Variants in RIT2 observed in about 807,000 individuals in gnomAD.
RIT2 encodes the protein GTP-binding protein Rit2.
Under a neutral mutation model 23.7 loss-of-function variants are expected in RIT2, and 24 were observed. The ratio of observed to expected loss-of-function variants is 1.01; its 90% CI spans 0.73 to 1.43. The LOEUF is 1.43. RIT2 is among the 40% of genes most tolerant of loss of function. RIT2 has a pLI of 0.00. For synonymous variants in RIT2, 107 were observed against 91.1 expected (o/e 1.17, Z -0.99); for missense variants, 236 against 266.9 (o/e 0.88, Z 0.81).
chr18:43,056,462 T>G (rs367969240), intron 1 of RIT2, among the ~76,000 whole-genome samples: 6 of 152,110 alleles, frequency 3.9e-5, no homozygotes, highest in African/African-American at 1.2e-4. Flanking sequence ...CAGGAGCTGT[T>G]TTCTCCTAGG....
intron 2 of RIT2, among the ~76,000 whole-genome samples, chr18:42,992,185 G>A (rs1910867647): frequency 6.6e-6 from 1 of 151,804 alleles, no homozygotes; most frequent in Non-Finnish European, 1.5e-5. Flanking sequence ...GTCCTCTCAA[G>A]AACTTGAAAC....
intron 1 of RIT2, among the ~76,000 whole-genome samples, chr18:43,081,617 T>C (rs1913159884): frequency 6.6e-6 from 1 of 152,130 alleles, no homozygotes; most frequent in African/African-American, 2.4e-5. Context: ...ACAAGCAAAC[T>C]AGGGTATCAA....
At chr18:42,848,112 C>T (rs1426132080) in intron 4 of RIT2, among the ~76,000 whole-genome samples, 1 of 151,890 alleles carries the variant, frequency 6.6e-6, no homozygotes, top group African/African-American at 2.4e-5. Flanking sequence ...AAGCTCATTC[C>T]AAGGGTGGTT....
intron 2 of RIT2, among the ~76,000 whole-genome samples, chr18:43,027,852 C>T (rs146345703): frequency 9.9e-5 from 15 of 152,062 alleles, no homozygotes; most frequent in East Asian, 3.9e-4. Context: ...CTTACCACAT[C>T]GAATGAGAGA....
chr18:43,000,536 T>C (rs1218755013), intron 2 of RIT2, among the ~76,000 whole-genome samples: 2 of 152,030 alleles, frequency 1.3e-5, no homozygotes, highest in East Asian at 3.9e-4. Context: ...TTTCTATTGA[T>C]AAGTGATATG....
intron 4 of RIT2, among the ~76,000 whole-genome samples, chr18:42,808,658 G>A (rs909569365): frequency 6.6e-6 from 1 of 151,932 alleles, no homozygotes; most frequent in African/African-American, 2.4e-5. Context: ...TGAAAAGTAG[G>A]CCATCTTTGT....
At chr18:42,784,214 T>C (rs977976859) in intron 4 of RIT2, among the ~76,000 whole-genome samples, 4 of 151,466 alleles carry the variant, frequency 2.6e-5, no homozygotes, top group African/African-American at 9.7e-5. Context: ...CAAAATATGG[T>C]AGCTACATAA....
At chr18:42,785,780 C>A (rs971492170) in intron 4 of RIT2, among the ~76,000 whole-genome samples, 1 of 152,090 alleles carries the variant, frequency 6.6e-6, no homozygotes, top group African/African-American at 2.4e-5. Context: ...CACAGGGTAG[C>A]GTGCCCAGCA....
intron 4 of RIT2, among the ~76,000 whole-genome samples, chr18:42,890,216 T>C (rs909130791): frequency 9.9e-5 from 15 of 152,112 alleles, no homozygotes; most frequent in Admixed American, 3.3e-4. Flanking sequence ...CTATATTCTT[T>C]ATGGAGGATA....
rs568596852 is a variant in RIT2 at position 42,989,274 on chromosome 18, T to C, written c.161-15127A>G. Among the ~76,000 whole-genome samples the C allele has an allele frequency of 3.3e-5, 5 of 152,286 alleles. No homozygotes were observed. In the South Asian group the frequency reaches 1.0e-3, roughly 32 times the overall value. ...TGTACATACAAATCTCCTGAGGATC[T>C]GGTTAAAATGCAGATTCTGATTCAG... On this transcript the variant is annotated intron_variant, in intron 2 of 4. Transcript: ENST00000326695.
At chr18:43,004,870 T>C (rs1042419517) in intron 2 of RIT2, among the ~76,000 whole-genome samples, 2 of 151,920 alleles carry the variant, frequency 1.3e-5, no homozygotes, top group Non-Finnish European at 2.9e-5. Context: ...TCAATTACTA[T>C]GCTGTGCTCA....
chr18:43,111,958 G>T (rs1052168492), intron 1 of RIT2, among the ~76,000 whole-genome samples: 1 of 151,410 alleles, frequency 6.6e-6, no homozygotes, highest in East Asian at 1.9e-4. Context: ...AACATTCTTG[G>T]ACAATATTAC....
intron 4 of RIT2, among the ~76,000 whole-genome samples, chr18:42,793,284 C>T (rs11876135): frequency 0.33 from 49,393 of 151,884 alleles, 10,739 homozygotes; most frequent in African/African-American, 0.61. Context: ...CTAAGCTTTT[C>T]CCCCTATACT....
rs150507397 is a variant in RIT2 at position 42,828,122 on chromosome 18, C to G, written c.427-84402G>C. Among the ~76,000 whole-genome samples the G allele has an allele frequency of 6.0e-4, 91 of 151,166 alleles. 2 individuals are homozygous for G. The South Asian group carries it at 0.018, about 31-fold the overall frequency. On this transcript the variant is annotated intron_variant, in intron 4 of 4. Transcript: ENST00000326695. ...GAAGTTTGACAATCGTAAGTGCTGA[C>G]AAGGATATGCATTGACAAGAAACTC...
At chr18:42,973,929 C>T (rs149501001) in intron 3 of RIT2, 145 bp downstream of exon 3, 1 of 566,136 alleles carries the variant, frequency 1.8e-6, no homozygotes, top group South Asian at 2.7e-5. Context: ...AATTTTGATT[C>T]TTTTAAAATT....
At chr18:43,067,380 GA>G (rs1480286675) in intron 1 of RIT2, among the ~76,000 whole-genome samples, 1 of 152,140 alleles carries the variant, frequency 6.6e-6, no homozygotes, top group Non-Finnish European at 1.5e-5. Flanking sequence ...CAAAATGAGT[GA>G]CCATGTGCAT....
intron 2 of RIT2, among the ~76,000 whole-genome samples, chr18:43,002,605 C>A (rs949692473): frequency 1.3e-5 from 2 of 151,970 alleles, no homozygotes; most frequent in East Asian, 2.0e-4. Flanking sequence ...TGCAAGGTAT[C>A]CAGATGATCA....
At chr18:42,969,037 G>A (rs1484882363) in intron 3 of RIT2, among the ~76,000 whole-genome samples, 3 of 152,038 alleles carry the variant, frequency 2.0e-5, no homozygotes, top group East Asian at 1.9e-4. Flanking sequence ...AGCTTGCATC[G>A]ACTCTTACTT....
At chr18:42,796,930 T>C (rs895032313) in intron 4 of RIT2, among the ~76,000 whole-genome samples, 2 of 152,212 alleles carry the variant, frequency 1.3e-5, no homozygotes, top group Non-Finnish European at 2.9e-5. Context: ...AGTAATTCAC[T>C]TGGTAAAAGA....
Sources: allele counts gnomAD v4.1 joint callset (sites outside exome capture counted in the v4.1 genomes callset), GRCh38; gene constraint gnomAD v4.1.1; transcripts MANE v1.5; gene names NCBI Gene and HGNC (gene_info 2026-07-23, HGNC 2026-07-21).